Variants in PAK1 observed in about 807,000 individuals in gnomAD.
The protein encoded by PAK1 is serine/threonine-protein kinase PAK 1.
PAK1 carries 29 observed loss-of-function variants against 67.4 expected under a neutral mutation model. The observed-to-expected ratio is 0.43, with a 90% CI of 0.32 to 0.59. The LOEUF is 0.59. Among genes scored for constraint, PAK1 ranks in the 20% least tolerant of loss-of-function variants. The pLI, the probability that PAK1 is intolerant of heterozygous loss-of-function variation, is 0.07. For missense variants in PAK1, 337 were observed against 670.7 expected, an observed-to-expected ratio of 0.50 and a Z score of 5.50; for synonymous variants, 223 against 237.4, an observed-to-expected ratio of 0.94 and a Z score of 0.56.
chr11:77,409,038 G>A (rs952985774), intron 1 of PAK1, among the ~76,000 whole-genome samples: 3 of 152,152 alleles, frequency 2.0e-5, no homozygotes, highest in Non-Finnish European at 2.9e-5. Context: ...GGCAAGGCAG[G>A]CAGATCACTT....
At chr11:77,526,915 C>CAA in the PAK1 span, among the ~76,000 whole-genome samples, 4 of 98,320 alleles carry the variant, frequency 4.1e-5, no homozygotes, top group Admixed American at 2.2e-4. Context: ...GACTCCATCG[C>CAA]AAAAAAAAAA....
chr11:77,522,334 G>A, the PAK1 span, among the ~76,000 whole-genome samples: 2 of 152,214 alleles, frequency 1.3e-5, no homozygotes, highest in African/African-American at 4.8e-5. Context: ...TGGGGACTGT[G>A]TAGACAAGGG....
intron 8 of PAK1, among the ~76,000 whole-genome samples, chr11:77,351,711 C>G (rs144548492): frequency 1.3e-5 from 2 of 151,518 alleles, no homozygotes; most frequent in African/African-American, 4.8e-5. Flanking sequence ...CTATATTATG[C>G]AATCTTTTAT....
upstream of PAK1, chr11:77,476,758 G>A (rs1592614748): frequency 6.6e-6 from 1 of 152,340 alleles, no homozygotes; most frequent in East Asian, 1.9e-4. Context: ...GCCGAGGCGG[G>A]TGTATCACCT....
At chr11:77,356,301 A>G (rs1335299162) in intron 6 of PAK1, 2 of 155,144 alleles carry the variant, frequency 1.3e-5, no homozygotes, top group African/African-American at 4.8e-5. Context: ...AAGTTAAAAG[A>G]CATATCCTGT....
At chr11:77,359,058 C>T (rs1338576057) in intron 5 of PAK1, 41 bp from the exon 6 acceptor site, 4 of 1,595,202 alleles carry the variant, frequency 2.5e-6, no homozygotes, top group South Asian at 1.1e-5. Context: ...GGTCCAGCTG[C>T]CATGGAACTT....
intron 5 of PAK1, among the ~76,000 whole-genome samples, chr11:77,361,436 C>G (rs1024489510): frequency 1.3e-5 from 2 of 152,106 alleles, no homozygotes; most frequent in Non-Finnish European, 2.9e-5. Context: ...AGGAAAGAAA[C>G]AAGGTCAGAA....
chr11:77,510,399 T>C, the PAK1 span, among the ~76,000 whole-genome samples: 2 of 152,182 alleles, frequency 1.3e-5, no homozygotes, highest in Non-Finnish European at 2.9e-5. Context: ...CCCAGCTAAT[T>C]GTTGTACTTT....
chr11:77,506,231 C>T, the PAK1 span, among the ~76,000 whole-genome samples: 10 of 152,184 alleles, frequency 6.6e-5, no homozygotes, highest in Non-Finnish European at 8.8e-5. Flanking sequence ...TGTACATAGA[C>T]GGAAGGCTAG....
At chr11:77,360,882 A>T (rs1345392802) in intron 5 of PAK1, among the ~76,000 whole-genome samples, 1 of 152,208 alleles carries the variant, frequency 6.6e-6, no homozygotes, top group Non-Finnish European at 1.5e-5. Context: ...CAAAGTGAGC[A>T]TAAAATCACT....
chr11:77,409,748 T>C (rs1339280252), intron 1 of PAK1, among the ~76,000 whole-genome samples: 5 of 151,900 alleles, frequency 3.3e-5, no homozygotes, highest in African/African-American at 7.3e-5. Context: ...GTAGATCTCA[T>C]GATGATACAG....
At chr11:77,475,712 C>T (rs868086618), upstream of PAK1, 1 of 152,170 alleles carries the variant, frequency 6.6e-6, no homozygotes, top group Non-Finnish European at 1.5e-5. Context: ...TCTAAAGTTT[C>T]CCTAAGCCTT....
chr11:77,405,711 A>ACACC (rs1953443427), intron 1 of PAK1, among the ~76,000 whole-genome samples: 3 of 145,480 alleles, frequency 2.1e-5, no homozygotes, highest in Admixed American at 1.4e-4. Context: ...ACACACACAC[A>ACACC]CACCCTTCCC....
the PAK1 span, among the ~76,000 whole-genome samples, chr11:77,522,397 A>G: frequency 6.6e-6 from 1 of 151,966 alleles, no homozygotes; most frequent in African/African-American, 2.4e-5. Context: ...GTTGAGCTTG[A>G]CTCCTTAAAG....
intron 2 of PAK1, 103 bp downstream of exon 2, chr11:77,392,228 A>T (rs1951228692): frequency 4.7e-6 from 4 of 854,804 alleles, no homozygotes; most frequent in Non-Finnish European, 7.0e-6. Flanking sequence ...GAAAGAAAAC[A>T]TTAAAGGAAA....
chr11:77,442,361 C>T (rs535039772), intron 1 of PAK1, among the ~76,000 whole-genome samples: 1 of 152,302 alleles, frequency 6.6e-6, no homozygotes, highest in African/African-American at 2.4e-5. Flanking sequence ...TTAGACACAG[C>T]AGCTTCTGTT....
intron 14 of PAK1, among the ~76,000 whole-genome samples, chr11:77,332,034 G>A (rs1017171812): frequency 1.1e-4 from 16 of 151,856 alleles, no homozygotes; most frequent in Non-Finnish European, 1.2e-4. Flanking sequence ...TGGTCATGGT[G>A]GCCCATGCCT....
At chr11:77,528,254 A>C in the PAK1 span, among the ~76,000 whole-genome samples, 14 of 152,310 alleles carry the variant, frequency 9.2e-5, no homozygotes, top group South Asian at 2.7e-3. Flanking sequence ...ACACATAATA[A>C]ATTTAACAGT....
At chr11:77,408,844 G>A (rs1011195163) in intron 1 of PAK1, among the ~76,000 whole-genome samples, 8 of 152,094 alleles carry the variant, frequency 5.3e-5, no homozygotes, top group Admixed American at 3.9e-4. Context: ...GACATTTTTC[G>A]TAACAAGAGA....
Sources: allele counts gnomAD v4.1 joint callset (sites outside exome capture counted in the v4.1 genomes callset), GRCh38; gene constraint gnomAD v4.1.1; transcripts MANE v1.5; gene names NCBI Gene and HGNC (gene_info 2026-07-23, HGNC 2026-07-21).